Variants in NELFB observed in about 807,000 individuals in gnomAD.
NELFB encodes the protein negative elongation factor complex member B.
A neutral mutation model predicts 60.2 loss-of-function variants in NELFB; 34 were observed. That is an observed-to-expected ratio of 0.56 (90% CI 0.43 to 0.75). NELFB has a LOEUF of 0.75. NELFB is among the 30% of genes least tolerant of loss of function. NELFB has a pLI of 0.00. For missense variants in NELFB, 770 were observed against 831.6 expected (o/e 0.93, Z 0.91); for synonymous variants, 459 against 382.1 (o/e 1.20, Z -2.35).
At position 137,264,375 on chromosome 9, in the gene NELFB, G is replaced by A. The variant is rs374696743; in HGVS notation, c.1040+18G>A. The A allele has an allele frequency of 1.3e-6, 2 of 1,549,150 alleles. No individual in the cohort carries two copies. The highest frequency in any genetic ancestry group is 1.2e-5 in the South Asian group (1 of 84,926). The stretch of plus-strand genomic sequence containing the variant: ...GTGCTGGGGTGAGGGTCGGCTCCAC[G>A]AGGCCTCTGCCCCTCAGGGCCCTGC... On this transcript the variant is annotated intron_variant, in intron 6 of 12. Coordinates refer to ENST00000343053, the MANE Select transcript of NELFB (RefSeq NM_015456.5).
chr9:137,272,948 G>A lies in NELFB; in HGVS notation c.*20G>A, dbSNP rs538688028. 17 of 1,490,984 alleles carry A rather than the reference G, an allele frequency of 1.1e-5. No homozygotes were observed. Among genetic ancestry groups the A allele is most frequent in the African/African-American group, 9.8e-5 (7 of 71,258 alleles). The allele number at this position is 1,490,984 out of a possible 1,614,324, so 92.4% of individuals were successfully genotyped here. Reference sequence around the variant, plus strand: ...CTCTGAGGGCCCTCCAGACCTGCTCGGGTGCTGGGGCCATGCCGAGTCGCG... The same window carrying A: ...CTCTGAGGGCCCTCCAGACCTGCTCAGGTGCTGGGGCCATGCCGAGTCGCG... On this transcript the variant is annotated 3_prime_UTR_variant, in exon 13 of 13. Transcript: ENST00000343053.
At chr9:137,266,886 A>C in intron 8 of NELFB, 58 bp from the exon 9 acceptor site, 2 of 1,347,928 alleles carry the variant, frequency 1.5e-6, no homozygotes, top group South Asian at 2.4e-5. Flanking sequence ...GTGTCACGTC[A>C]GGGTGGGGTG....
rs748926182 is a variant in NELFB, at chr9:137,272,597, C to T, written c.1722C>T (p.Ala574=). The T allele has an allele frequency of 3.6e-5, 57 of 1,604,078 alleles. No individual in the cohort carries two copies. The highest frequency in any genetic ancestry group is 4.7e-5 in the Non-Finnish European group (55 of 1,175,980). ...CTAAGCTGGAGGCGTTGCAGAAGGC[C>T]CTGGAGCCTACAGGCCAGGTGGGTG... The change falls in exon 12 of 13, where the codon GCC becomes GCT. Residue 574 remains alanine, a synonymous_variant. Coordinates refer to ENST00000343053, the MANE Select transcript of NELFB (RefSeq NM_015456.5).
rs1830474933 is a variant in NELFB, at chr9:137,263,165, C to T, written c.870C>T (p.Leu290=). ...ACTGCACGCTGCGGGCTGAGCTGCT[C>T]ATGTCCCTGCACGACCTGGACGTGG... The change falls in exon 5 of 13, where the codon CTC becomes CTT. Residue 290 remains leucine (L), a synonymous_variant. Transcript: ENST00000343053. 8 of 1,613,928 alleles carry T rather than the reference C, an allele frequency of 5.0e-6. No individual in the cohort carries two copies. The highest frequency in any genetic ancestry group is 6.8e-6 in the Non-Finnish European group (8 of 1,179,976).
intron 7 of NELFB, 110 bp from the exon 8 acceptor site, chr9:137,266,221 G>A: frequency 2.0e-6 from 2 of 980,668 alleles, no homozygotes; most frequent in African/African-American, 3.2e-5. Flanking sequence ...CAGTCGTGTG[G>A]TCCTGGCCAT....
In NELFB at chr9:137,256,980, G is replaced by A. The variant is rs757946080; in HGVS notation, c.667G>A (p.Ala223Thr). Reference sequence around the variant, plus strand: ...GCAGTACATCCTGGAGAAGGAGAGCGCTCTCTTCAGTACAGAGCTCTCTGT... The same window carrying A: ...GCAGTACATCCTGGAGAAGGAGAGCACTCTCTTCAGTACAGAGCTCTCTGT... Residue 223 changes from alanine to threonine, a missense_variant, in exon 4 of 13, where the codon GCT becomes ACT. Transcript: ENST00000343053. 19 of 1,613,966 alleles carry A rather than the reference G, an allele frequency of 1.2e-5. No individual in the cohort carries two copies. The highest frequency in any genetic ancestry group is 1.5e-5 in the Non-Finnish European group (18 of 1,180,040).
chr9:137,265,837 C>A, intron 6 of NELFB, 40 bp from the exon 7 acceptor site: 1 of 1,366,748 alleles, frequency 7.3e-7, no homozygotes, highest in Non-Finnish European at 1.0e-6. Flanking sequence ...AAGGGAGGGG[C>A]AACAGGCGTC....
intron 4 of NELFB, among the ~76,000 whole-genome samples, chr9:137,261,794 C>T (rs905055883): frequency 1.3e-5 from 2 of 151,962 alleles, no homozygotes; most frequent in South Asian, 2.1e-4. Context: ...CAGCTGGGCC[C>T]GGGGGACCAT....
intron 5 of NELFB, among the ~76,000 whole-genome samples, chr9:137,263,885 C>T (rs190608052): frequency 6.6e-6 from 1 of 152,244 alleles, no homozygotes; most frequent in East Asian, 1.9e-4. Context: ...GCTCTAGGAA[C>T]GGGGTTTCCC....
chr9:137,272,892 G>A lies in NELFB; in HGVS notation c.1851G>A (p.Leu617=). The change falls in exon 13 of 13, where the codon CTG becomes CTA. Residue 617 remains leucine, a synonymous_variant. Transcript: ENST00000343053. ...CTGCGGAGACGCCGGCCCTGGAGCT[G>A]CCCCTCCCCAGCGTGCCCGCCCCTG... The A allele has an allele frequency of 6.5e-7, 1 of 1,545,596 alleles. No individual in the cohort carries two copies.
At chr9:137,268,527 A>C (rs1389475472) in intron 10 of NELFB, among the ~76,000 whole-genome samples, 2 of 152,208 alleles carry the variant, frequency 1.3e-5, no homozygotes, top group East Asian at 3.8e-4. Context: ...TGGAGGTTGC[A>C]GTGAGTGGAG....
intron 2 of NELFB, 53 bp from the exon 3 acceptor site, chr9:137,256,276 A>G (rs915810772): frequency 2.0e-6 from 3 of 1,534,814 alleles, no homozygotes; most frequent in Non-Finnish European, 2.7e-6. Flanking sequence ...ACAGGCAGGT[A>G]GCTGCTGCGA....
intron 10 of NELFB, among the ~76,000 whole-genome samples, chr9:137,267,841 G>GA (rs1241567051): frequency 6.6e-6 from 1 of 152,210 alleles, no homozygotes; most frequent in African/African-American, 2.4e-5. Flanking sequence ...AGGAAAGGGA[G>GA]AGGGAGTTCA....
Position 137,272,868 on chromosome 9 carries a change from T to C in NELFB, c.1827T>C (p.Ala609=), listed in dbSNP as rs1055427350. Residue 609 remains alanine, a synonymous_variant, in exon 13 of 13, where the codon GCT becomes GCC. Coordinates refer to ENST00000343053, the MANE Select transcript of NELFB (RefSeq NM_015456.5). Reference sequence around the variant, plus strand: ...ACCGGAAGCCCAGCCCGGCACAGGCTGCGGAGACGCCGGCCCTGGAGCTGC... The same window carrying C: ...ACCGGAAGCCCAGCCCGGCACAGGCCGCGGAGACGCCGGCCCTGGAGCTGC... The C allele has an allele frequency of 6.5e-7, 1 of 1,548,642 alleles. No individual in the cohort carries two copies. Among genetic ancestry groups the C allele is most frequent in the African/African-American group, 1.4e-5 (1 of 72,994 alleles).
chr9:137,266,423 G>T lies in NELFB; in HGVS notation c.1236G>T (p.Lys412Asn), dbSNP rs748392068. The T allele has an allele frequency of 6.2e-7, 1 of 1,612,566 alleles. No individual in the cohort carries two copies. The highest frequency in any genetic ancestry group is 1.7e-5 in the Admixed American group (1 of 59,988). The change falls in exon 8 of 13, where the codon AAG (lysine) becomes AAT (asparagine). Residue 412 changes from lysine (K) to asparagine (N), a missense_variant. By Grantham distance (94) the Lys-to-Asn change is moderately conservative. Coordinates refer to ENST00000343053, the MANE Select transcript of NELFB (RefSeq NM_015456.5). ...ACAGCCAGGTCTTCAAGGAGCCCAAGATGGTAACGAGCCTCCTGTGGGGGC... is the reference window on the plus strand; with the variant it reads ...ACAGCCAGGTCTTCAAGGAGCCCAATATGGTAACGAGCCTCCTGTGGGGGC...
rs1260342411 is a variant in NELFB at position 137,273,095 on chromosome 9, C to T, written c.*167C>T. ...TGCTTCCTGCTCCTTGGAGCTGGCT[C>T]CCGGACCTTGCCCACCATCCATGCA... On this transcript the variant is annotated 3_prime_UTR_variant, in exon 13 of 13. Coordinates refer to ENST00000343053, the MANE Select transcript of NELFB (RefSeq NM_015456.5). 9.7e-6 allele frequency: 7 copies of T among 723,962 alleles called. No homozygotes were observed. The highest frequency in any genetic ancestry group is 1.3e-5 in the Non-Finnish European group (6 of 475,786). 44.8% of individuals were successfully genotyped at this position (723,962 alleles called of 1,614,324 possible). A position where few individuals can be genotyped will look rare whatever the true frequency, so the allele number is the denominator to read the frequency against.
intron 4 of NELFB, among the ~76,000 whole-genome samples, chr9:137,262,172 T>C (rs1043257467): frequency 1.3e-5 from 2 of 152,166 alleles, no homozygotes; most frequent in African/African-American, 4.8e-5. Flanking sequence ...GGCCTCTGGA[T>C]AACTGCGGGC....
At position 137,263,211 on chromosome 9, in the gene NELFB, C is replaced by T; in HGVS notation, c.916C>T (p.Pro306Ser). The change falls in exon 5 of 13, where the codon CCG becomes TCG. Residue 306 changes from proline to serine, a missense_variant. By Grantham distance (74) the Pro-to-Ser change is moderately conservative (BLOSUM62 -1). Transcript: ENST00000343053. ...CGTGGGTGAAATCTGCACCGTGGACCCGTGCCACAAGGTAGCACTGCCCTC... is the reference window on the plus strand; with the variant it reads ...CGTGGGTGAAATCTGCACCGTGGACTCGTGCCACAAGGTAGCACTGCCCTC... 6.2e-7 allele frequency: 1 copy of T among 1,611,224 alleles called. No homozygotes were observed. Among genetic ancestry groups the T allele is most frequent in the Non-Finnish European group, 8.5e-7 (1 of 1,178,768 alleles).
intron 5 of NELFB, 150 bp downstream of exon 5, chr9:137,263,372 C>T (rs1830478802): frequency 1.2e-5 from 7 of 601,546 alleles, no homozygotes; most frequent in Non-Finnish European, 2.8e-6. Flanking sequence ...CTTCTCCCTT[C>T]TCCCCCGCTC....
Sources: gnomAD v4.1 joint callset for allele counts (sites outside exome capture counted in the v4.1 genomes callset) on GRCh38, gnomAD v4.1.1 for gene constraint, MANE v1.5 for transcripts, NCBI Gene and HGNC (gene_info 2026-07-23, HGNC 2026-07-21) for gene names.